Variants in NFATC4 observed in about 807,000 individuals in gnomAD.
NFATC4 encodes the protein nuclear factor of activated T-cells, cytoplasmic 4.
NFATC4 carries 25 observed loss-of-function variants against 73.4 expected under a neutral mutation model. That is an observed-to-expected ratio of 0.34 (90% confidence interval 0.25 to 0.48). NFATC4 has a LOEUF of 0.48. Ranked by LOEUF, NFATC4 falls within the 20% of genes least tolerant of loss-of-function variation. The pLI is 0.99. For synonymous variants in NFATC4, 523 were observed against 510.3 expected, an observed-to-expected ratio of 1.02 and a Z score of -0.34; for missense variants, 1,130 against 1,203.7, an observed-to-expected ratio of 0.94 and a Z score of 0.91.
At position 24,372,623 on chromosome 14, in the gene NFATC4, C is replaced by G. The variant is rs199558417; in HGVS notation, c.1359+20C>G. 6.2e-7 allele frequency: 1 copy of G among 1,613,586 alleles called. No individual in the cohort carries two copies. Among genetic ancestry groups the G allele is most frequent in the East Asian group, 2.2e-5 (1 of 44,884 alleles). ...GTCAAGGTAAAGGACAGACAGCAGG[C>G]CTGATATCCTCTCTCCTCTCCCAGA... On this transcript the variant is annotated intron_variant, in intron 3 of 9. Coordinates refer to ENST00000250373, the MANE Select transcript of NFATC4 (RefSeq NM_004554.5).
Position 24,376,651 on chromosome 14 carries a change from T to A in NFATC4, c.2414T>A (p.Phe805Tyr), listed in dbSNP as rs1219973695. 6.2e-7 allele frequency: 1 copy of A among 1,613,140 alleles called. No individual in the cohort carries two copies. The highest frequency in any genetic ancestry group is 8.5e-7 in the Non-Finnish European group (1 of 1,179,750). The change falls in exon 9 of 10, where the codon TTC becomes TAC. Residue 805 changes from phenylalanine (F) to tyrosine (Y), a missense_variant. By Grantham distance (22) the Phe-to-Tyr change is conservative. This residue lies in a region of NFATC4 where 390 missense variants were observed against 408.1 expected (regional missense o/e 0.96). Transcript: ENST00000250373. The surrounding 1 kb of genome is among the most constrained non-coding windows in gnomAD (Gnocchi z 5.0). ...RGSSFSLGLP[F>Y]SPPAPFRPPP... ...TCCTCTTTCTCCCTGGGGCTGCCATTCTCTCCGCCAGCCCCCTTTCGGCCG... is the reference window on the plus strand; with the variant it reads ...TCCTCTTTCTCCCTGGGGCTGCCATACTCTCCGCCAGCCCCCTTTCGGCCG...
At chr14:24,372,756 G>A in intron 3 of NFATC4, 153 bp downstream of exon 3, 1 of 898,764 alleles carries the variant, frequency 1.1e-6, no homozygotes, top group Non-Finnish European at 1.7e-6. Context: ...GAGGAGGGGT[G>A]CAAGGACCCG....
rs200690162 is a variant in NFATC4, at chr14:24,376,112, G to A, written c.2056+11G>A. 1.7e-5 allele frequency: 27 copies of A among 1,613,906 alleles called. No individual in the cohort carries two copies. Among genetic ancestry groups the A allele is most frequent in the Non-Finnish European group, 2.1e-5 (25 of 1,179,904 alleles). ...TCAGGTTTCTGCCTGGTGCGCTCTGGGACAGCCCATGGTGGGGGTATAGGG... is the reference window on the plus strand; with the variant it reads ...TCAGGTTTCTGCCTGGTGCGCTCTGAGACAGCCCATGGTGGGGGTATAGGG... On this transcript the variant is annotated intron_variant, in intron 8 of 9. Coordinates refer to ENST00000250373, the MANE Select transcript of NFATC4 (RefSeq NM_004554.5). This position sits in a 1 kb window ranked among gnomAD's most constrained non-coding sequence, Gnocchi z 5.0.
In NFATC4 at chr14:24,376,126, G is replaced by T. The variant is rs754421957; in HGVS notation, c.2056+25G>T. The T allele has an allele frequency of 8.7e-6, 14 of 1,613,660 alleles. No homozygotes were observed. Among genetic ancestry groups the T allele is most frequent in the African/African-American group, 1.3e-5 (1 of 74,880 alleles). Reference sequence around the variant, plus strand: ...GGTGCGCTCTGGGACAGCCCATGGTGGGGGTATAGGGATATGGGGAGCTGG... The same window carrying T: ...GGTGCGCTCTGGGACAGCCCATGGTTGGGGTATAGGGATATGGGGAGCTGG... On this transcript the variant is annotated intron_variant, in intron 8 of 9. Coordinates refer to ENST00000250373, the MANE Select transcript of NFATC4 (RefSeq NM_004554.5). This position sits in a 1 kb window ranked among gnomAD's most constrained non-coding sequence, Gnocchi z 5.0.
intron 2 of NFATC4, 32 bp downstream of exon 2, chr14:24,370,626 C>T (rs773760506): frequency 1.0e-5 from 16 of 1,576,024 alleles, no homozygotes; most frequent in Non-Finnish European, 1.0e-5. Context: ...ACCGCTCTCT[C>T]TAGCCATTCC....
intron 2 of NFATC4, among the ~76,000 whole-genome samples, chr14:24,370,941 T>C (rs1362116698): frequency 6.6e-6 from 1 of 152,180 alleles, no homozygotes; most frequent in Non-Finnish European, 1.5e-5. Flanking sequence ...TGTGGCTGAG[T>C]GTGGAACTTG....
At position 24,368,291 on chromosome 14, in the gene NFATC4, G is replaced by C. The variant is rs1414566908; in HGVS notation, c.-50G>C. 1 of 1,377,356 alleles carries C rather than the reference G, an allele frequency of 7.3e-7. No homozygotes were observed. Among genetic ancestry groups the C allele is most frequent in the African/African-American group, 1.5e-5 (1 of 65,338 alleles). The allele number at this position is 1,377,356 out of a possible 1,614,324, so 85.3% of individuals were successfully genotyped here. ...CCGGGTGAAGATACAGCAGCCTCCT[G>C]AACTCCCCCCTCCCACCCAGGCCGG... is the stretch of plus-strand genomic sequence containing the variant. On this transcript the variant is annotated 5_prime_UTR_variant, in exon 1 of 10. Coordinates refer to ENST00000250373, the MANE Select transcript of NFATC4 (RefSeq NM_004554.5).
At chr14:24,367,525 G>C, upstream of NFATC4, 1 of 1,535,812 alleles carries the variant, frequency 6.5e-7, no homozygotes, top group Non-Finnish European at 8.7e-7. Flanking sequence ...TCTTTGGCTC[G>C]GACTGCTCCC....
rs1594712357 is a variant in NFATC4 at position 24,373,328 on chromosome 14, T to G, written c.1517T>G (p.Val506Gly). The change falls in exon 4 of 10, where the codon GTG (valine) becomes GGG (glycine). Residue 506 changes from valine to glycine, a missense_variant. Coordinates refer to ENST00000250373, the MANE Select transcript of NFATC4 (RefSeq NM_004554.5). This position sits in a 1 kb window ranked among gnomAD's most constrained non-coding sequence, Gnocchi z 4.7. ...GAAGCCGTAGTCAGTGGCACCAAGG[T>G]GTTGGAGATGACTCTGCTGCCTGAG... ...SYEAVVSGTK[V>G]LEMTLLPENN... The G allele has an allele frequency of 6.2e-7, 1 of 1,614,134 alleles. No homozygotes were observed. Among genetic ancestry groups the G allele is most frequent in the Admixed American group, 1.7e-5 (1 of 60,018 alleles).
At position 24,373,160 on chromosome 14, in the gene NFATC4, C is replaced by G. The variant is rs1385413880; in HGVS notation, c.1360-11C>G. The G allele has an allele frequency of 6.2e-7, 1 of 1,613,078 alleles. No homozygotes were observed. The highest frequency in any genetic ancestry group is 2.2e-5 in the East Asian group (1 of 44,844). Reference sequence around the variant, plus strand: ...GATTTCAATGAGGTGGCCGCTCTCTCCCTCTGCCAGCTCCTAGGCTACAGT... The same window carrying G: ...GATTTCAATGAGGTGGCCGCTCTCTGCCTCTGCCAGCTCCTAGGCTACAGT... On this transcript the variant is annotated splice_polypyrimidine_tract_variant and intron_variant, in intron 3 of 9. Transcript: ENST00000250373. This position sits in a 1 kb window ranked among gnomAD's most constrained non-coding sequence, Gnocchi z 4.7.
Position 24,370,307 on chromosome 14 carries a change from G to A in NFATC4, c.909G>A (p.Leu303=), listed in dbSNP as rs2042438248. The A allele has an allele frequency of 6.2e-7, 1 of 1,611,154 alleles. No individual in the cohort carries two copies. Among genetic ancestry groups the A allele is most frequent in the Non-Finnish European group, 8.5e-7 (1 of 1,178,044 alleles). The part of the protein sequence containing the change: ...EGSEPPPPPP[L]PLARDPGSPG... ...CTGAGCCACCTCCACCACCCCCATT[G>A]CCTCTGGCCCGGGACCCGGGCTCCC... is the stretch of plus-strand genomic sequence containing the variant. The change falls in exon 2 of 10, where the codon TTG becomes TTA. Residue 303 remains leucine, a synonymous_variant. Coordinates refer to ENST00000250373, the MANE Select transcript of NFATC4 (RefSeq NM_004554.5).
intron 2 of NFATC4, 79 bp from the exon 3 acceptor site, chr14:24,372,362 C>G (rs192771240): frequency 6.9e-6 from 10 of 1,456,230 alleles, no homozygotes; most frequent in Admixed American, 6.0e-5. Context: ...ACCCATACCC[C>G]CTCCTCCCTC....
chr14:24,377,352 C>A lies in NFATC4; in HGVS notation c.2642-286C>A. On this transcript the variant is annotated intron_variant, in intron 9 of 9. Transcript: ENST00000250373. This position sits in a 1 kb window ranked among gnomAD's most constrained non-coding sequence, Gnocchi z 4.2. ...CCTTCTTCCCATTGGCTACACCCATCTCTGGCCCTGCTGATACCGATTCCC... is the reference window on the plus strand; with the variant it reads ...CCTTCTTCCCATTGGCTACACCCATATCTGGCCCTGCTGATACCGATTCCC... The A allele has an allele frequency of 7.5e-7, 1 of 1,331,676 alleles. No homozygotes were observed. 82.5% of individuals were successfully genotyped at this position (1,331,676 alleles called of 1,614,324 possible).
chr14:24,369,014 G>T, intron 1 of NFATC4: 1 of 1,273,378 alleles, frequency 7.9e-7, no homozygotes, highest in South Asian at 1.8e-5. Context: ...GCCCCTAGAT[G>T]GCGAGGAGAG....
chr14:24,366,920 T>A, upstream of NFATC4: 1 of 1,517,622 alleles, frequency 6.6e-7, no homozygotes, highest in South Asian at 1.3e-5. Flanking sequence ...TGTAAACGTC[T>A]GACCTGGGGC....
rs763833570 is a variant in NFATC4 at position 24,370,582 on chromosome 14, GC to G, written c.1187del (p.Pro396LeufsTer24). ...AWSKARIGGH[S>X]PIFRTSALPP... The stretch of plus-strand genomic sequence containing the variant: ...TCCAAGGCCCGGATTGGGGGACACA[GC>G]CCTATCTTCAGGTGAGGGTTGCGCC... On this transcript the variant is annotated frameshift_variant, in exon 2 of 10. Coordinates refer to ENST00000250373, the MANE Select transcript of NFATC4 (RefSeq NM_004554.5). LOFTEE classifies it high-confidence loss of function. 6.2e-7 allele frequency: 1 copy of G among 1,608,186 alleles called. No individual in the cohort carries two copies. Among genetic ancestry groups the G allele is most frequent in the Non-Finnish European group, 8.5e-7 (1 of 1,175,166 alleles).
rs1040359700 is a variant in NFATC4, at chr14:24,370,739, C to T, written c.1196+145C>T. ...CAACCAGCTCAGCAGCTGCCAACTACCTGGTTTTAAAGAGAACTAGAAAAA... is the reference window on the plus strand; with the variant it reads ...CAACCAGCTCAGCAGCTGCCAACTATCTGGTTTTAAAGAGAACTAGAAAAA... On this transcript the variant is annotated intron_variant, in intron 2 of 9. Transcript: ENST00000250373. The T allele has an allele frequency of 1.0e-5, 12 of 1,174,498 alleles. No individual in the cohort carries two copies. The African/African-American group carries it at 1.1e-4, about 11-fold the overall frequency. The allele number at this position is 1,174,498 out of a possible 1,614,324, so 72.8% of individuals were successfully genotyped here. A position where few individuals can be genotyped will look rare whatever the true frequency, so the allele number is the denominator to read the frequency against.
Position 24,369,767 on chromosome 14 carries a change from C to G in NFATC4, c.369C>G (p.Pro123=). The part of the protein sequence containing the change: ...CPSIRITSIS[P]TPEPPAALED... Reference sequence around the variant, plus strand: ...GCATCCGCATCACCTCCATCTCTCCCACGCCGGAGCCGCCAGCAGCGCTGG... The same window carrying G: ...GCATCCGCATCACCTCCATCTCTCCGACGCCGGAGCCGCCAGCAGCGCTGG... The change falls in exon 2 of 10, where the codon CCC becomes CCG. Residue 123 remains proline, a synonymous_variant. Transcript: ENST00000250373. 6.3e-7 allele frequency: 1 copy of G among 1,598,284 alleles called. No homozygotes were observed. Among genetic ancestry groups the G allele is most frequent in the Non-Finnish European group, 8.5e-7 (1 of 1,172,592 alleles).
chr14:24,369,464 C>T lies in NFATC4; in HGVS notation c.101-35C>T, dbSNP rs749392621. The T allele has an allele frequency of 5.0e-6, 8 of 1,612,618 alleles. No individual in the cohort carries two copies. In the African/African-American group the frequency reaches 9.3e-5, roughly 19 times the overall value. On this transcript the variant is annotated intron_variant, in intron 1 of 9. Transcript: ENST00000250373. ...GCCATCTCACCTGCTTCTCTCTTTC[C>T]CCCTCTCCCTCTGCTCCTCTTCCCA...
Sources: allele counts gnomAD v4.1 joint callset (sites outside exome capture counted in the v4.1 genomes callset), GRCh38; gene constraint gnomAD v4.1.1; regional missense constraint gnomAD v4.1.1; non-coding constraint Gnocchi (gnomAD v3.1); transcripts MANE v1.5; gene names NCBI Gene and HGNC (gene_info 2026-07-23, HGNC 2026-07-21).